The following HCN1 variants were observed in gnomAD, a reference collection of about 807,000 sequenced individuals.
HCN1 encodes the protein potassium/sodium hyperpolarization-activated cyclic nucleotide-gated channel 1.
In HCN1, 13 loss-of-function variants were observed where a neutral mutation model predicts 78.9. The observed-to-expected ratio is 0.16, with a 90% confidence interval of 0.11 to 0.26. HCN1 has a LOEUF of 0.26. Among genes scored for constraint, HCN1 ranks in the 10% least tolerant of loss-of-function variants. HCN1 has a pLI of 1.00. For missense variants in HCN1, 810 were observed against 1,154.3 expected, an observed-to-expected ratio of 0.70 and a Z score of 4.32; for synonymous variants, 552 against 455.5, an observed-to-expected ratio of 1.21 and a Z score of -2.70.
chr5:45,347,039 T>A (rs1287945652), intron 5 of HCN1, among the ~76,000 whole-genome samples: 3 of 152,200 alleles, frequency 2.0e-5, no homozygotes, highest in East Asian at 1.9e-4. Flanking sequence ...CAGCTGGAGA[T>A]CTGAGAACAG....
At chr5:45,556,098 A>G (rs1318987894) in intron 2 of HCN1, among the ~76,000 whole-genome samples, 1 of 151,998 alleles carries the variant, frequency 6.6e-6, no homozygotes. Context: ...CTCAAACTAT[A>G]AAACCACTAA....
chr5:45,674,125 TTTAG>T (rs1426104404), intron 1 of HCN1, among the ~76,000 whole-genome samples: 2 of 151,270 alleles, frequency 1.3e-5, no homozygotes, highest in Non-Finnish European at 3.0e-5. Flanking sequence ...TTCATTGGCT[TTTAG>T]TTGATATATA....
chr5:45,477,873 C>T (rs973009589), intron 2 of HCN1, among the ~76,000 whole-genome samples: 3 of 151,988 alleles, frequency 2.0e-5, no homozygotes, highest in East Asian at 1.9e-4. Context: ...TAATGAGATA[C>T]CATTTTTCTA....
intron 5 of HCN1, among the ~76,000 whole-genome samples, chr5:45,312,108 T>G (rs1745862096): frequency 6.6e-6 from 1 of 152,208 alleles, no homozygotes; most frequent in Non-Finnish European, 1.5e-5. Context: ...GATCCACCTT[T>G]CAACCAAATG....
intron 4 of HCN1, among the ~76,000 whole-genome samples, chr5:45,376,113 TATATA>T (rs1561132228): frequency 9.1e-6 from 1 of 110,310 alleles, no homozygotes; most frequent in African/African-American, 3.7e-5. Flanking sequence ...TGTTTTATAA[TATATA>T]ATATGTTATA....
intron 2 of HCN1, among the ~76,000 whole-genome samples, chr5:45,523,257 ATTG>A (rs527281008): frequency 0.016 from 2,433 of 152,224 alleles, 63 homozygotes; most frequent in African/African-American, 0.056. Context: ...CCAGTATATC[ATTG>A]TTGGACATTT....
chr5:45,259,556 C>CAT lies in HCN1; in HGVS notation c.*2363_*2364dup, dbSNP rs1744688173. On this transcript the variant is annotated 3_prime_UTR_variant, in exon 8 of 8. Coordinates refer to ENST00000303230, the MANE Select transcript of HCN1 (RefSeq NM_021072.4). Reference sequence around the variant, plus strand: ...TTTTTTCTTAATCTAAGTATATATACATTCATACATATATGTATATAATTT... The same window carrying CAT: ...TTTTTTCTTAATCTAAGTATATATACATATTCATACATATATGTATATAATTT... 1 of 151,972 alleles carries CAT rather than the reference C, an allele frequency of 6.6e-6. No homozygotes were observed. The highest frequency in any genetic ancestry group is 2.4e-5 in the African/African-American group (1 of 41,332). The allele number at this position is 151,972 out of a possible 1,614,324, so 9.4% of individuals were successfully genotyped here.
At chr5:45,332,915 A>G (rs1256745794) in intron 5 of HCN1, among the ~76,000 whole-genome samples, 2 of 151,794 alleles carry the variant, frequency 1.3e-5, no homozygotes, top group East Asian at 2.0e-4. Flanking sequence ...GTTGTTTCCA[A>G]ATTTTGGCTG....
intron 2 of HCN1, among the ~76,000 whole-genome samples, chr5:45,578,924 C>T (rs1744001300): frequency 6.6e-6 from 1 of 152,036 alleles, no homozygotes; most frequent in African/African-American, 2.4e-5. Context: ...GTCTACTATA[C>T]TGGCTTTCAC....
intron 2 of HCN1, among the ~76,000 whole-genome samples, chr5:45,503,083 A>C (rs1025298091): frequency 6.6e-6 from 1 of 152,206 alleles, no homozygotes; most frequent in African/African-American, 2.4e-5. Flanking sequence ...ATTGTAGGAT[A>C]ACAAAGTATT....
rs900503216 is a variant in HCN1, at chr5:45,273,906, G to A, written c.1619-6653C>T. The stretch of plus-strand genomic sequence containing the variant: ...TAACATCTGGCTTAAATCATTTTGC[G>A]TATCATGTTTGGCTGGTAGAAGTAC... On this transcript the variant is annotated intron_variant, in intron 6 of 7. Coordinates refer to ENST00000303230, the MANE Select transcript of HCN1 (RefSeq NM_021072.4). Among the ~76,000 whole-genome samples, 14 of 152,016 alleles carry A rather than the reference G, an allele frequency of 9.2e-5. No homozygotes were observed. In the East Asian group the frequency reaches 1.7e-3, roughly 19 times the overall value.
chr5:45,399,319 CTG>C (rs559414793), intron 3 of HCN1, among the ~76,000 whole-genome samples: 1 of 152,218 alleles, frequency 6.6e-6, no homozygotes, highest in Non-Finnish European at 1.5e-5. Context: ...AGGCCTGAAT[CTG>C]TGTGTGTGAT....
intron 2 of HCN1, among the ~76,000 whole-genome samples, chr5:45,501,012 A>C (rs1742176313): frequency 6.6e-6 from 1 of 152,202 alleles, no homozygotes; most frequent in South Asian, 2.1e-4. Context: ...TGTGACATAA[A>C]ATAAAATGCT....
intron 3 of HCN1, among the ~76,000 whole-genome samples, chr5:45,432,092 C>T (rs1041755116): frequency 3.9e-5 from 6 of 151,990 alleles, no homozygotes; most frequent in Middle Eastern, 3.2e-3. Flanking sequence ...CCATTTGTCG[C>T]TGTCATCTCT....
At chr5:45,541,907 G>A (rs1174001392) in intron 2 of HCN1, among the ~76,000 whole-genome samples, 1 of 152,080 alleles carries the variant, frequency 6.6e-6, no homozygotes, top group Admixed American at 6.6e-5. Flanking sequence ...TTGATCAGCT[G>A]TGACTTTGAA....
At chr5:45,377,485 G>A (rs1747707840) in intron 4 of HCN1, among the ~76,000 whole-genome samples, 1 of 151,844 alleles carries the variant, frequency 6.6e-6, no homozygotes, top group Non-Finnish European at 1.5e-5. Flanking sequence ...TTAGGGGGCT[G>A]TTTTTTACAC....
intron 2 of HCN1, among the ~76,000 whole-genome samples, chr5:45,596,067 T>C (rs1038443198): frequency 1.6e-4 from 24 of 148,796 alleles, no homozygotes; most frequent in Non-Finnish European, 3.4e-4. Context: ...GGCTAATTTT[T>C]TTTTGTATTT....
intron 4 of HCN1, among the ~76,000 whole-genome samples, chr5:45,369,339 G>A (rs1472010836): frequency 6.6e-6 from 1 of 151,906 alleles, no homozygotes; most frequent in Non-Finnish European, 1.5e-5. Context: ...TCTTAACTCA[G>A]TATCTCATAT....
intron 1 of HCN1, among the ~76,000 whole-genome samples, chr5:45,674,078 T>C (rs897392908): frequency 6.6e-6 from 1 of 151,378 alleles, no homozygotes; most frequent in African/African-American, 2.4e-5. Flanking sequence ...TTCCATGGGA[T>C]AGTTATGTTT....
Sources: gnomAD v4.1 joint callset for allele counts (sites outside exome capture counted in the v4.1 genomes callset) on GRCh38, gnomAD v4.1.1 for gene constraint, MANE v1.5 for transcripts, NCBI Gene and HGNC (gene_info 2026-07-23, HGNC 2026-07-21) for gene names.